The following STARD13 variants were observed in gnomAD, a reference collection of about 807,000 sequenced individuals.
STARD13 encodes stAR-related lipid transfer protein 13.
A neutral mutation model predicts 106.4 loss-of-function variants in STARD13; 62 were observed. The ratio of observed to expected loss-of-function variants is 0.58; its 90% CI spans 0.48 to 0.72. STARD13 has a LOEUF of 0.72. Among genes scored for constraint, STARD13 ranks in the 30% least tolerant of loss-of-function variants. The pLI, the probability that STARD13 is intolerant of heterozygous loss-of-function variation, is 0.00. For missense variants in STARD13, 1,387 were observed against 1,424.0 expected, an observed-to-expected ratio of 0.97 and a Z score of 0.42; for synonymous variants, 565 against 553.0, an observed-to-expected ratio of 1.02 and a Z score of -0.31.
At chr13:33,154,866 G>A (rs1881757026) in intron 3 of STARD13, among the ~76,000 whole-genome samples, 1 of 152,190 alleles carries the variant, frequency 6.6e-6, no homozygotes, top group South Asian at 2.1e-4. Flanking sequence ...GAGCAAAGCA[G>A]CCGCGCGGGA....
intron 7 of STARD13, among the ~76,000 whole-genome samples, chr13:33,121,214 C>T (rs368199603): frequency 2.4e-4 from 37 of 152,296 alleles, no homozygotes; most frequent in South Asian, 8.3e-4. Context: ...CTTCCCCTCT[C>T]GATCCTCATA....
At chr13:33,113,488 A>T in intron 8 of STARD13, 2 of 496,598 alleles carry the variant, frequency 4.0e-6, no homozygotes, top group Non-Finnish European at 8.0e-6. Context: ...AGCTGGTGGG[A>T]CCTCTGACCT....
chr13:33,329,054 T>G (rs1233108732), intron 1 of STARD13, among the ~76,000 whole-genome samples: 1 of 152,258 alleles, frequency 6.6e-6, no homozygotes, highest in African/African-American at 2.4e-5. Flanking sequence ...CACCATGAAT[T>G]AATACTTTTC....
the STARD13 span, among the ~76,000 whole-genome samples, chr13:33,541,183 G>A: frequency 6.6e-6 from 1 of 152,078 alleles, no homozygotes; most frequent in Admixed American, 6.5e-5. Context: ...AAAAAAAAAA[G>A]TAAGCAACTA....
At chr13:33,544,639 A>G in the STARD13 span, among the ~76,000 whole-genome samples, 3,499 of 152,308 alleles carry the variant, frequency 0.023, 66 homozygotes, top group Non-Finnish European at 0.035. Flanking sequence ...AGAAGAAAAA[A>G]AAGATTGAGA....
chr13:33,483,709 C>T, the STARD13 span, among the ~76,000 whole-genome samples: 303 of 152,124 alleles, frequency 2.0e-3, 2 homozygotes, highest in Non-Finnish European at 2.9e-3. Context: ...ATATAAACCC[C>T]CCAGTTTCAA....
chr13:33,264,472 C>T (rs1191805421), intron 1 of STARD13, among the ~76,000 whole-genome samples: 2 of 152,128 alleles, frequency 1.3e-5, no homozygotes, highest in African/African-American at 4.8e-5. Flanking sequence ...AATGAGTCTG[C>T]CATTGGCATG....
At chr13:33,210,494 T>C (rs999321086) in intron 1 of STARD13, among the ~76,000 whole-genome samples, 3 of 152,182 alleles carry the variant, frequency 2.0e-5, no homozygotes, top group Admixed American at 6.5e-5. Flanking sequence ...GTACACATCT[T>C]AGGGTTGTTG....
At chr13:33,575,157 C>T in the STARD13 span, among the ~76,000 whole-genome samples, 1 of 151,962 alleles carries the variant, frequency 6.6e-6, no homozygotes, top group African/African-American at 2.4e-5. Flanking sequence ...ACCTCGTAAC[C>T]TGCCTGCCTC....
intron 1 of STARD13, among the ~76,000 whole-genome samples, chr13:33,283,555 C>G (rs1051248908): frequency 2.0e-5 from 3 of 152,202 alleles, no homozygotes; most frequent in Non-Finnish European, 4.4e-5. Context: ...ATTGCTTTCT[C>G]ATTGTCTTAC....
chr13:33,225,399 C>T (rs1200887037), intron 1 of STARD13, among the ~76,000 whole-genome samples: 1 of 152,188 alleles, frequency 6.6e-6, no homozygotes. Flanking sequence ...ATCTGCAGTC[C>T]CCCTGTTCCT....
At chr13:33,183,115 G>A (rs1043171157) in intron 1 of STARD13, among the ~76,000 whole-genome samples, 5 of 152,108 alleles carry the variant, frequency 3.3e-5, no homozygotes, top group African/African-American at 1.2e-4. Flanking sequence ...AGGTTAGCTC[G>A]GCTCTTCTCT....
At chr13:33,186,580 G>A (rs1885788632) in intron 1 of STARD13, among the ~76,000 whole-genome samples, 3 of 152,094 alleles carry the variant, frequency 2.0e-5, no homozygotes, top group East Asian at 3.9e-4. Context: ...ATTGTATAAT[G>A]CAGGTACTAA....
the STARD13 span, among the ~76,000 whole-genome samples, chr13:33,524,001 C>T: frequency 6.6e-6 from 1 of 152,060 alleles, no homozygotes; most frequent in Non-Finnish European, 1.5e-5. Context: ...ACCGTTTTAC[C>T]TTCAGCAAGA....
At chr13:33,394,229 T>A in the STARD13 span, among the ~76,000 whole-genome samples, 1 of 151,882 alleles carries the variant, frequency 6.6e-6, no homozygotes, top group South Asian at 2.1e-4. Context: ...CTATCAACTA[T>A]CCCTGGGATA....
the STARD13 span, among the ~76,000 whole-genome samples, chr13:33,391,487 C>A: frequency 6.6e-6 from 1 of 152,228 alleles, no homozygotes; most frequent in East Asian, 1.9e-4. Flanking sequence ...GGCTGATATA[C>A]AAGACAATCA....
At chr13:33,626,995 G>T in the STARD13 span, among the ~76,000 whole-genome samples, 1 of 152,150 alleles carries the variant, frequency 6.6e-6, no homozygotes, top group Non-Finnish European at 1.5e-5. Flanking sequence ...TACAAAATTG[G>T]TTCTGATAAA....
chr13:33,267,633 G>A (rs1401184571), intron 1 of STARD13, among the ~76,000 whole-genome samples: 1 of 152,206 alleles, frequency 6.6e-6, no homozygotes, highest in East Asian at 1.9e-4. Flanking sequence ...GTGAATGGAA[G>A]ACTAGTTTCC....
At chr13:33,468,072 A>C in the STARD13 span, among the ~76,000 whole-genome samples, 3 of 152,208 alleles carry the variant, frequency 2.0e-5, no homozygotes, top group Non-Finnish European at 4.4e-5. Context: ...AATGGCTCCC[A>C]AAAAGGCTAC....
Sources: allele counts gnomAD v4.1 joint callset (sites outside exome capture counted in the v4.1 genomes callset), GRCh38; gene constraint gnomAD v4.1.1; transcripts MANE v1.5; gene names NCBI Gene and HGNC (gene_info 2026-07-23, HGNC 2026-07-21).